Variants in NXPE2 observed in about 807,000 individuals in gnomAD.
NXPE2 encodes NXPE family member 2.
In NXPE2, 34 loss-of-function variants were observed where a neutral mutation model predicts 34.4. The ratio of observed to expected loss-of-function variants is 0.99; its 90% CI spans 0.75 to 1.31. The LOEUF is 1.31. Among genes scored for constraint, NXPE2 ranks in the 40% most tolerant of loss-of-function variants. The probability of loss-of-function intolerance (pLI) is 0.00; values close to 1 mark genes in which losing one functional copy is unlikely to be tolerated. For missense variants in NXPE2, 649 were observed against 672.5 expected, an observed-to-expected ratio of 0.97 and a Z score of 0.39; for synonymous variants, 235 against 231.3, an observed-to-expected ratio of 1.02 and a Z score of -0.15.
the NXPE2 span, among the ~76,000 whole-genome samples, chr11:114,734,698 G>A: frequency 6.6e-6 from 1 of 152,140 alleles, no homozygotes; most frequent in African/African-American, 2.4e-5. Context: ...GAATTAGCAG[G>A]TTTGGTAATC....
the NXPE2 span, among the ~76,000 whole-genome samples, chr11:114,517,466 G>C: frequency 6.6e-6 from 1 of 152,156 alleles, no homozygotes. Flanking sequence ...TCAGTTCACA[G>C]AAGATTTATT....
the NXPE2 span, among the ~76,000 whole-genome samples, chr11:114,766,549 C>T: frequency 6.6e-6 from 1 of 151,898 alleles, no homozygotes; most frequent in East Asian, 1.9e-4. Flanking sequence ...TCCCTTTTTC[C>T]TTCATTATTT....
the NXPE2 span, among the ~76,000 whole-genome samples, chr11:114,763,170 A>T: frequency 6.6e-6 from 1 of 152,176 alleles, no homozygotes; most frequent in Non-Finnish European, 1.5e-5. Flanking sequence ...TGGGGCAAGA[A>T]TAGTGCTTTT....
chr11:114,777,840 C>T, the NXPE2 span, among the ~76,000 whole-genome samples: 2 of 152,156 alleles, frequency 1.3e-5, no homozygotes, highest in African/African-American at 4.8e-5. Flanking sequence ...TAAGATGGTG[C>T]ACCTCATTGG....
the NXPE2 span, among the ~76,000 whole-genome samples, chr11:114,740,787 A>G: frequency 6.6e-6 from 1 of 152,126 alleles, no homozygotes; most frequent in Non-Finnish European, 1.5e-5. Flanking sequence ...TTCTATAATT[A>G]TATTGCTGTC....
chr11:114,611,529 G>A, the NXPE2 span, among the ~76,000 whole-genome samples: 26 of 151,814 alleles, frequency 1.7e-4, no homozygotes, highest in Admixed American at 3.9e-4. Flanking sequence ...ACTGTTACCC[G>A]GTTTATAATA....
chr11:114,803,327 T>C, the NXPE2 span, among the ~76,000 whole-genome samples: 1 of 152,346 alleles, frequency 6.6e-6, no homozygotes, highest in African/African-American at 2.4e-5. Flanking sequence ...CATTTTATAA[T>C]AGTGACAGTT....
the NXPE2 span, among the ~76,000 whole-genome samples, chr11:114,785,500 A>T: frequency 6.6e-6 from 1 of 152,308 alleles, no homozygotes; most frequent in South Asian, 2.1e-4. Context: ...TCAATGGCTC[A>T]GTTAATTAAT....
the NXPE2 span, among the ~76,000 whole-genome samples, chr11:114,725,994 A>ATATATATATATATATATATATATATAT: frequency 5.4e-3 from 471 of 86,480 alleles, 38 homozygotes; most frequent in East Asian, 8.6e-3. Context: ...TATATATATA[A>ATATATATATATATATATATATATATAT]AAAGAAAAAG....
At chr11:114,666,802 G>C in the NXPE2 span, among the ~76,000 whole-genome samples, 1 of 152,040 alleles carries the variant, frequency 6.6e-6, no homozygotes, top group Non-Finnish European at 1.5e-5. Flanking sequence ...TCTTTTCCTT[G>C]TATTTACAAC....
the NXPE2 span, among the ~76,000 whole-genome samples, chr11:114,655,380 T>C: frequency 2.0e-5 from 3 of 152,248 alleles, no homozygotes; most frequent in Non-Finnish European, 4.4e-5. Context: ...TTTGGTGTTT[T>C]AGTCATGAAG....
At chr11:114,707,557 G>A (rs1161575743), downstream of NXPE2, 4 of 221,122 alleles carry the variant, frequency 1.8e-5, no homozygotes, top group South Asian at 1.3e-4. Context: ...GCCACACCTG[G>A]CTATAAACCA....
chr11:114,581,310 A>C, the NXPE2 span, among the ~76,000 whole-genome samples: 1 of 152,168 alleles, frequency 6.6e-6, no homozygotes, highest in African/African-American at 2.4e-5. Context: ...GGGAGGGGTT[A>C]TAATAAACTG....
chr11:114,499,281 G>T, the NXPE2 span, among the ~76,000 whole-genome samples: 1 of 152,026 alleles, frequency 6.6e-6, no homozygotes, highest in Non-Finnish European at 1.5e-5. Context: ...TCTGCAAGAG[G>T]CTTGTCCATT....
chr11:114,661,065 A>T, the NXPE2 span, among the ~76,000 whole-genome samples: 1 of 152,186 alleles, frequency 6.6e-6, no homozygotes, highest in Non-Finnish European at 1.5e-5. Flanking sequence ...AATACACAAG[A>T]TCTATATACT....
At chr11:114,712,233 A>G in the NXPE2 span, among the ~76,000 whole-genome samples, 1 of 152,174 alleles carries the variant, frequency 6.6e-6, no homozygotes, top group Non-Finnish European at 1.5e-5. Flanking sequence ...TTAGGACAGT[A>G]ATTTCTTGGC....
chr11:114,556,941 G>T, the NXPE2 span, among the ~76,000 whole-genome samples: 1 of 145,372 alleles, frequency 6.9e-6, no homozygotes, highest in African/African-American at 2.6e-5. Flanking sequence ...TGCCCAAGTT[G>T]GAGTGCAGTG....
the NXPE2 span, among the ~76,000 whole-genome samples, chr11:114,755,697 CATCT>C: frequency 2.1e-4 from 31 of 150,898 alleles, no homozygotes; most frequent in Non-Finnish European, 2.7e-4. Context: ...TCTATCTATC[CATCT>C]ATCTATCCAT....
chr11:114,582,770 C>CTGGT, the NXPE2 span: 8 of 1,614,052 alleles, frequency 5.0e-6, no homozygotes, highest in Admixed American at 1.3e-4. Context: ...GGATGTGCAG[C>CTGGT]TGGTCTCCCC....
Sources: gnomAD v4.1 joint callset for allele counts (sites outside exome capture counted in the v4.1 genomes callset) on GRCh38, gnomAD v4.1.1 for gene constraint, MANE v1.5 for transcripts, NCBI Gene and HGNC (gene_info 2026-07-23, HGNC 2026-07-21) for gene names.